TENM2: variants seen among roughly 807,000 people sequenced by gnomAD.
TENM2 encodes teneurin-2.
TENM2 carries 52 observed loss-of-function variants against 245.2 expected under a neutral mutation model. That is an observed-to-expected ratio of 0.21 (90% CI 0.17 to 0.27). TENM2 has a LOEUF of 0.27. TENM2 is among the 10% of genes least tolerant of loss of function. TENM2 has a pLI of 1.00. For synonymous variants in TENM2, 1,363 were observed against 1,438.9 expected (o/e 0.95, Z 1.19); for missense variants, 3,046 against 3,666.8 (o/e 0.83, Z 4.37).
At chr5:168,168,732 T>C (rs141682471) in intron 13 of TENM2, among the ~76,000 whole-genome samples, 2 of 152,118 alleles carry the variant, frequency 1.3e-5, no homozygotes, top group African/African-American at 4.8e-5. Flanking sequence ...TTTAGGTCCT[T>C]TGTGAATGAC....
At chr5:167,720,624 C>A (rs1036896066) in intron 2 of TENM2, among the ~76,000 whole-genome samples, 1 of 152,164 alleles carries the variant, frequency 6.6e-6, no homozygotes, top group Admixed American at 6.5e-5. Flanking sequence ...GGATTCTATT[C>A]ATTTGCATGT....
intron 13 of TENM2, among the ~76,000 whole-genome samples, chr5:168,184,580 G>A (rs923477015): frequency 6.6e-6 from 1 of 152,208 alleles, no homozygotes; most frequent in Admixed American, 6.5e-5. Flanking sequence ...GAAGATCAAA[G>A]AAGAAAATAA....
chr5:167,494,472 A>T (rs1471358307), intron 2 of TENM2, among the ~76,000 whole-genome samples: 1 of 152,118 alleles, frequency 6.6e-6, no homozygotes, highest in Non-Finnish European at 1.5e-5. Context: ...AACTGTTTCA[A>T]TACTTATGCG....
At chr5:167,832,317 AATAG>A (rs1768571997) in intron 2 of TENM2, among the ~76,000 whole-genome samples, 2 of 152,216 alleles carry the variant, frequency 1.3e-5, no homozygotes, top group Admixed American at 6.5e-5. Flanking sequence ...TCCCTTTTAC[AATAG>A]ATAGACTACA....
intron 2 of TENM2, among the ~76,000 whole-genome samples, chr5:167,492,445 A>G (rs556658075): frequency 6.6e-6 from 1 of 152,160 alleles, no homozygotes; most frequent in Non-Finnish European, 1.5e-5. Flanking sequence ...CTGAGTACAG[A>G]CTTTCCACGA....
intron 2 of TENM2, among the ~76,000 whole-genome samples, chr5:167,449,394 C>A (rs541866701): frequency 5.3e-5 from 8 of 151,952 alleles, no homozygotes; most frequent in African/African-American, 9.7e-5. Context: ...CTCCCATGTG[C>A]GGTGGCTCCA....
intron 2 of TENM2, among the ~76,000 whole-genome samples, chr5:167,597,165 C>CTTTTT (rs34227363): frequency 5.6e-5 from 3 of 53,756 alleles, no homozygotes; most frequent in East Asian, 3.7e-4. Flanking sequence ...CTTTTCTTTT[C>CTTTTT]TTTTTTTTTT....
chr5:166,981,185 C>G, the TENM2 span, among the ~76,000 whole-genome samples: 1 of 152,174 alleles, frequency 6.6e-6, no homozygotes, highest in South Asian at 2.1e-4. Flanking sequence ...GAACAGAATT[C>G]CTAAGACCTA....
At chr5:167,357,057 G>A (rs1759383488) in intron 1 of TENM2, among the ~76,000 whole-genome samples, 1 of 151,994 alleles carries the variant, frequency 6.6e-6, no homozygotes, top group Non-Finnish European at 1.5e-5. Context: ...GGAAAGCTTT[G>A]TTCAAGTCGA....
the TENM2 span, among the ~76,000 whole-genome samples, chr5:167,082,286 AT>A: frequency 6.6e-6 from 1 of 151,854 alleles, no homozygotes; most frequent in Admixed American, 6.6e-5. Context: ...CATTTTATTT[AT>A]TTATTTATTT....
the TENM2 span, among the ~76,000 whole-genome samples, chr5:167,023,160 C>T: frequency 3.3e-5 from 5 of 152,160 alleles, no homozygotes; most frequent in Admixed American, 6.5e-5. Context: ...ATAATGCTAA[C>T]GTTCTGCTCT....
At chr5:167,952,853 C>G (rs926562067) in intron 4 of TENM2, 31 bp downstream of exon 6, 4 of 1,529,810 alleles carry the variant, frequency 2.6e-6, no homozygotes, top group Non-Finnish European at 3.5e-6. Context: ...CACAGTCACA[C>G]TCAGTGTCAC....
the TENM2 span, among the ~76,000 whole-genome samples, chr5:167,189,241 T>C: frequency 6.6e-6 from 1 of 152,130 alleles, no homozygotes; most frequent in Admixed American, 6.5e-5. Flanking sequence ...GAATCACTCA[T>C]AGTGTGAAAA....
intron 2 of TENM2, among the ~76,000 whole-genome samples, chr5:167,396,915 T>G (rs1226482397): frequency 6.6e-6 from 1 of 152,074 alleles, no homozygotes; most frequent in Non-Finnish European, 1.5e-5. Flanking sequence ...ATGGATGGGG[T>G]TAGAAGAACC....
chr5:167,916,273 G>A (rs1253832528), intron 3 of TENM2, among the ~76,000 whole-genome samples: 1 of 152,132 alleles, frequency 6.6e-6, no homozygotes, highest in Non-Finnish European at 1.5e-5. Flanking sequence ...GTCCAGTCTT[G>A]GAACCAGCTC....
intron 2 of TENM2, among the ~76,000 whole-genome samples, chr5:167,771,900 T>C (rs1276559077): frequency 2.0e-5 from 3 of 152,176 alleles, no homozygotes; most frequent in Non-Finnish European, 2.9e-5. Context: ...CCTAGCGCCA[T>C]GTGTGTTTTG....
intron 4 of TENM2, among the ~76,000 whole-genome samples, chr5:167,989,268 AAG>A (rs10617322): frequency 0.19 from 27,350 of 144,350 alleles, 2,467 homozygotes; most frequent in South Asian, 0.27. Context: ...AAGATAGAGA[AAG>A]AGAGAGAGAG....
At chr5:167,895,891 A>G (rs1448601565) in intron 3 of TENM2, among the ~76,000 whole-genome samples, 1 of 152,244 alleles carries the variant, frequency 6.6e-6, no homozygotes, top group Non-Finnish European at 1.5e-5. Context: ...GAGCTCAACA[A>G]TTCATTTCAA....
intron 3 of TENM2, among the ~76,000 whole-genome samples, chr5:167,922,962 A>C (rs1239052015): frequency 1.3e-5 from 2 of 152,236 alleles, no homozygotes; most frequent in East Asian, 3.8e-4. Context: ...CTGAACTTTC[A>C]AACCTGTTTT....
Sources: allele counts gnomAD v4.1 joint callset (sites outside exome capture counted in the v4.1 genomes callset), GRCh38; gene constraint gnomAD v4.1.1; transcripts MANE v1.5; gene names NCBI Gene and HGNC (gene_info 2026-07-23, HGNC 2026-07-21).